The following KIF5C variants were observed in gnomAD, a reference collection of about 807,000 sequenced individuals.
The protein encoded by KIF5C is kinesin family member 5C, also known as kinesin heavy chain isoform 5C.
Under a neutral mutation model 125.2 loss-of-function variants are expected in KIF5C, and 18 were observed. That is an observed-to-expected ratio of 0.14 (90% CI 0.10 to 0.21). KIF5C has a LOEUF of 0.21. Ranked by LOEUF, KIF5C falls within the 10% of genes least tolerant of loss-of-function variation. KIF5C has a pLI of 1.00. For missense variants in KIF5C, 780 were observed against 1,183.8 expected, an observed-to-expected ratio of 0.66 and a Z score of 5.01; for synonymous variants, 405 against 434.0, an observed-to-expected ratio of 0.93 and a Z score of 0.83.
intron 3 of KIF5C, among the ~76,000 whole-genome samples, chr2:148,931,187 G>T (rs1275959612): frequency 6.6e-6 from 1 of 152,138 alleles, no homozygotes; most frequent in Admixed American, 6.5e-5. Context: ...AAAGCAACCT[G>T]CATTATTTAA....
chr2:148,918,382 G>A (rs1001916869), intron 1 of KIF5C, among the ~76,000 whole-genome samples: 1 of 152,136 alleles, frequency 6.6e-6, no homozygotes, highest in Non-Finnish European at 1.5e-5. Flanking sequence ...GTTTTAGCTG[G>A]TAAAATGCTA....
At chr2:148,916,148 A>G (rs752898215) in intron 1 of KIF5C, among the ~76,000 whole-genome samples, 46 of 152,184 alleles carry the variant, frequency 3.0e-4, no homozygotes, top group Non-Finnish European at 5.3e-4. Flanking sequence ...ACTAGCTTAC[A>G]TGGAAGTGGT....
At chr2:148,991,555 G>A (rs141370605) in intron 16 of KIF5C, among the ~76,000 whole-genome samples, 54 of 152,122 alleles carry the variant, frequency 3.5e-4, no homozygotes, top group African/African-American at 1.3e-3. Context: ...CTTTAATATG[G>A]AAAAACAGAA....
At chr2:148,911,129 T>C (rs1276798989) in intron 1 of KIF5C, among the ~76,000 whole-genome samples, 2 of 152,178 alleles carry the variant, frequency 1.3e-5, no homozygotes, top group African/African-American at 2.4e-5. Flanking sequence ...ATGGACTTTG[T>C]TCGTCTTCTG....
intron 23 of KIF5C, among the ~76,000 whole-genome samples, chr2:149,009,192 A>G (rs1682107239): frequency 6.6e-6 from 1 of 152,032 alleles, no homozygotes; most frequent in Admixed American, 6.5e-5. Context: ...AGGTTTCACC[A>G]TGTTGGTCAG....
rs1415480699 is a variant in KIF5C, at chr2:148,937,220, T to C, written c.292-64T>C. 1.5e-5 allele frequency: 23 copies of C among 1,535,412 alleles called. No individual in the cohort carries two copies. In the Admixed American group the frequency reaches 4.2e-4, roughly 28 times the overall value. On this transcript the variant is annotated intron_variant, in intron 3 of 25. Transcript: ENST00000435030. Reference sequence around the variant, plus strand: ...TGTCTGAGGAACCCAGAGATGGTTCTCCCTCTCTCTCATGTGTCTCCCAGC... The same window carrying C: ...TGTCTGAGGAACCCAGAGATGGTTCCCCCTCTCTCTCATGTGTCTCCCAGC...
intron 8 of KIF5C, among the ~76,000 whole-genome samples, chr2:148,948,114 G>A (rs1441422816): frequency 1.3e-5 from 2 of 151,794 alleles, no homozygotes; most frequent in African/African-American, 2.4e-5. Context: ...TTGGGAGGCC[G>A]AGGTGGGCGG....
intron 3 of KIF5C, among the ~76,000 whole-genome samples, chr2:148,935,834 T>C (rs949891113): frequency 2.6e-5 from 4 of 152,186 alleles, no homozygotes; most frequent in Admixed American, 2.6e-4. Flanking sequence ...TACTAAATCT[T>C]GTAAGCAATG....
intron 1 of KIF5C, among the ~76,000 whole-genome samples, chr2:148,920,182 G>C (rs1452340558): frequency 6.6e-6 from 1 of 152,110 alleles, no homozygotes; most frequent in Non-Finnish European, 1.5e-5. Context: ...CCCAAAGCAG[G>C]ATCAAGCTGT....
At chr2:148,983,832 T>C (rs567610290) in intron 15 of KIF5C, 66 bp downstream of exon 15, 6 of 1,463,860 alleles carry the variant, frequency 4.1e-6, no homozygotes, top group Middle Eastern at 1.8e-4. Context: ...TGTGCTTTAC[T>C]CTTTTAAGCA....
At chr2:148,880,266 G>A (rs895637285) in intron 1 of KIF5C, among the ~76,000 whole-genome samples, 24 of 152,072 alleles carry the variant, frequency 1.6e-4, no homozygotes, top group African/African-American at 5.6e-4. Context: ...GACTACAGGC[G>A]TGTGCCACCA....
intron 10 of KIF5C, among the ~76,000 whole-genome samples, chr2:148,954,895 GA>G (rs983044165): frequency 6.6e-6 from 1 of 151,878 alleles, no homozygotes; most frequent in Non-Finnish European, 1.5e-5. Context: ...TGACATGAAA[GA>G]AAAAAAGGCT....
intron 14 of KIF5C, among the ~76,000 whole-genome samples, chr2:148,982,844 T>G (rs1302212996): frequency 6.6e-6 from 1 of 152,236 alleles, no homozygotes; most frequent in Non-Finnish European, 1.5e-5. Context: ...TAGAAGACTA[T>G]TATTAGACAG....
intron 3 of KIF5C, among the ~76,000 whole-genome samples, chr2:148,936,013 C>T (rs776333639): frequency 2.6e-5 from 4 of 152,190 alleles, no homozygotes; most frequent in Non-Finnish European, 4.4e-5. Flanking sequence ...GACTGCCGGA[C>T]GTGGTGGCTC....
In KIF5C at chr2:149,025,839, CA is replaced by C. The variant is rs1303642948; in HGVS notation, c.*2770del. 1.3e-5 allele frequency: 2 copies of C among 152,774 alleles called. No homozygotes were observed. Among genetic ancestry groups the C allele is most frequent in the East Asian group, 3.9e-4 (2 of 5,188 alleles). The allele number at this position is 152,774 out of a possible 1,614,324, so 9.5% of individuals were successfully genotyped here. On this transcript the variant is annotated 3_prime_UTR_variant, in exon 26 of 26. Transcript: ENST00000435030. Reference sequence around the variant, plus strand: ...ACTAGAGAATTCTGTGCAAACATATCATCTCTTCAAATGCTGCACACTTTGC... The same window carrying C: ...ACTAGAGAATTCTGTGCAAACATATCTCTCTTCAAATGCTGCACACTTTGC...
In KIF5C at chr2:148,959,191, A is replaced by T. The variant is rs73965221; in HGVS notation, c.969-2780A>T. 6.0e-3 allele frequency among the ~76,000 whole-genome samples: 919 copies of T among 152,130 alleles called. 6 individuals are homozygous for T. Among genetic ancestry groups the T allele is most frequent in the African/African-American group, 0.021 (873 of 41,498 alleles). On this transcript the variant is annotated intron_variant, in intron 10 of 25. Coordinates refer to ENST00000435030, the MANE Select transcript of KIF5C (RefSeq NM_004522.3). Reference sequence around the variant, plus strand: ...CTGCCCTTTCCACTCTTCTCTATGGACACTTTTGTCATAAGTCAGATGACT... The same window carrying T: ...CTGCCCTTTCCACTCTTCTCTATGGTCACTTTTGTCATAAGTCAGATGACT...
chr2:148,966,866 A>C (rs964211642), intron 11 of KIF5C, among the ~76,000 whole-genome samples: 1 of 152,134 alleles, frequency 6.6e-6, no homozygotes, highest in African/African-American at 2.4e-5. Context: ...GCCATCTGCA[A>C]ACCCCGAAGA....
At chr2:148,998,870 A>AG (rs1171799522) in intron 19 of KIF5C, 3 of 184,096 alleles carry the variant, frequency 1.6e-5, no homozygotes, top group African/African-American at 7.2e-5. Context: ...GAAAAGAAAA[A>AG]AAAAAAATTT....
chr2:149,022,099 A>G (rs988212080), intron 25 of KIF5C, among the ~76,000 whole-genome samples: 1 of 152,316 alleles, frequency 6.6e-6, no homozygotes, highest in South Asian at 2.1e-4. Context: ...GAATCTTATT[A>G]TCCGATGGAG....
Sources: allele counts gnomAD v4.1 joint callset (sites outside exome capture counted in the v4.1 genomes callset), GRCh38; gene constraint gnomAD v4.1.1; transcripts MANE v1.5; gene names NCBI Gene and HGNC (gene_info 2026-07-23, HGNC 2026-07-21).